The following SORBS2 variants were observed in gnomAD, a reference collection of about 807,000 sequenced individuals.
The protein encoded by SORBS2 is sorbin and SH3 domain containing 2, also known as sorbin and SH3 domain-containing protein 2.
A neutral mutation model predicts 97.7 loss-of-function variants in SORBS2; 46 were observed. That is an observed-to-expected ratio of 0.47 (90% confidence interval 0.37 to 0.60). The LOEUF (loss-of-function observed/expected upper bound fraction) is 0.60, where lower values mean the gene tolerates loss of function less well. Among genes scored for constraint, SORBS2 ranks in the 20% least tolerant of loss-of-function variants. SORBS2 has a pLI of 0.00. For synonymous variants in SORBS2, 476 were observed against 473.4 expected, an observed-to-expected ratio of 1.01 and a Z score of -0.07; for missense variants, 1,316 against 1,282.3, an observed-to-expected ratio of 1.03 and a Z score of -0.40.
intron 1 of SORBS2, among the ~76,000 whole-genome samples, chr4:185,926,515 T>C (rs577273551): frequency 6.6e-6 from 1 of 151,260 alleles, no homozygotes; most frequent in South Asian, 2.1e-4. Flanking sequence ...AAGCGTTTCG[T>C]TTTGGACGTG....
chr4:185,868,147 C>CTTTTTTCTTTTTTTTTT (rs1554043746), intron 1 of SORBS2, among the ~76,000 whole-genome samples: 6 of 89,766 alleles, frequency 6.7e-5, no homozygotes, highest in Non-Finnish European at 1.3e-4. Flanking sequence ...CTTTTCTTTT[C>CTTTTTTCTTTTTTTTTT]TTTTTTTCTT....
chr4:185,907,835 A>T (rs1273427918), intron 1 of SORBS2, among the ~76,000 whole-genome samples: 4 of 152,160 alleles, frequency 2.6e-5, no homozygotes, highest in Non-Finnish European at 5.9e-5. Context: ...CTCCTTGTAC[A>T]AATGTGCCTT....
At chr4:185,856,364 G>T (rs760794524) in intron 1 of SORBS2, among the ~76,000 whole-genome samples, 7 of 152,056 alleles carry the variant, frequency 4.6e-5, no homozygotes, top group Non-Finnish European at 1.0e-4. Context: ...CAAAATTATA[G>T]CAAATAATAA....
intron 1 of SORBS2, among the ~76,000 whole-genome samples, chr4:185,804,048 T>C (rs1474515556): frequency 6.6e-6 from 1 of 152,220 alleles, no homozygotes. Context: ...GGTTGCGTCA[T>C]GTTTCCTCCG....
intron 4 of SORBS2, 86 bp downstream of exon 16, chr4:185,635,269 A>G: frequency 3.1e-6 from 3 of 976,286 alleles, no homozygotes; most frequent in Non-Finnish European, 4.8e-6. Flanking sequence ...TAGACATTAC[A>G]GAGAATTGTA....
chr4:185,851,238 T>G (rs1265603501), intron 1 of SORBS2, among the ~76,000 whole-genome samples: 1 of 152,196 alleles, frequency 6.6e-6, no homozygotes, highest in South Asian at 2.1e-4. Context: ...ACATGGCTAT[T>G]GTTAAACTCG....
At chr4:185,682,303 T>C (rs1040237663) in intron 2 of SORBS2, among the ~76,000 whole-genome samples, 1 of 152,222 alleles carries the variant, frequency 6.6e-6, no homozygotes, top group African/African-American at 2.4e-5. Flanking sequence ...GGCATTCCTT[T>C]AGGCTGACAA....
chr4:185,589,432 G>T (rs578168391), intron 14 of SORBS2, among the ~76,000 whole-genome samples: 16 of 152,238 alleles, frequency 1.1e-4, no homozygotes, highest in African/African-American at 3.8e-4. Flanking sequence ...GCTATTTAAA[G>T]AAATTGTCTT....
chr4:185,638,144 C>T, intron 4 of SORBS2: 1 of 1,609,456 alleles, frequency 6.2e-7, no homozygotes. Flanking sequence ...TCTATGTCAT[C>T]TGGATTTATG....
chr4:185,848,827 C>T (rs1343662280), intron 1 of SORBS2, among the ~76,000 whole-genome samples: 1 of 151,796 alleles, frequency 6.6e-6, no homozygotes, highest in East Asian at 1.9e-4. Flanking sequence ...GTTAAGTCTG[C>T]TGGGTTCAGT....
intron 2 of SORBS2, among the ~76,000 whole-genome samples, chr4:185,679,729 G>A (rs1036244281): frequency 6.6e-6 from 1 of 152,128 alleles, no homozygotes; most frequent in African/African-American, 2.4e-5. Context: ...TTCCTTCTAC[G>A]TGTTCCCCAG....
chr4:185,717,190 C>T (rs1166524188), intron 2 of SORBS2, among the ~76,000 whole-genome samples: 3 of 152,226 alleles, frequency 2.0e-5, no homozygotes, highest in African/African-American at 7.2e-5. Flanking sequence ...CACCCAGCCA[C>T]AGCAGTGATT....
intron 1 of SORBS2, among the ~76,000 whole-genome samples, chr4:185,781,651 AG>A (rs1560992496): frequency 1.8e-4 from 26 of 146,068 alleles, no homozygotes; most frequent in African/African-American, 5.9e-4. Flanking sequence ...CGGCCTCTCC[AG>A]CGTCCCTTCC....
chr4:185,938,671 T>G (rs1451306943), intron 1 of SORBS2, among the ~76,000 whole-genome samples: 1 of 151,838 alleles, frequency 6.6e-6, no homozygotes, highest in African/African-American at 2.4e-5. Context: ...ACGTTCCACC[T>G]CCCCGAGAAC....
intron 1 of SORBS2, among the ~76,000 whole-genome samples, chr4:185,819,171 C>T (rs2099195178): frequency 6.6e-6 from 1 of 152,208 alleles, no homozygotes; most frequent in South Asian, 2.1e-4. Context: ...CTATATTTTT[C>T]TCTCACTTGA....
At chr4:185,880,721 TCCTGC>T (rs1208292104) in intron 1 of SORBS2, among the ~76,000 whole-genome samples, 4 of 152,222 alleles carry the variant, frequency 2.6e-5, no homozygotes, top group African/African-American at 9.7e-5. Context: ...GCCTTTCCTC[TCCTGC>T]CAGGCTTTCA....
chr4:185,603,920 A>G (rs2096341014), intron 12 of SORBS2, among the ~76,000 whole-genome samples: 1 of 152,180 alleles, frequency 6.6e-6, no homozygotes, highest in African/African-American at 2.4e-5. Flanking sequence ...TTGTGGAAGA[A>G]CAAGGCTCAA....
intron 2 of SORBS2, among the ~76,000 whole-genome samples, chr4:185,683,873 G>A (rs2153507840): frequency 6.6e-6 from 1 of 152,280 alleles, no homozygotes; most frequent in Non-Finnish European, 1.5e-5. Context: ...AGATGTATGT[G>A]TGTAGAAGAC....
Position 185,623,192 on chromosome 4 carries a change from A to G in SORBS2, c.1937T>C (p.Ile646Thr). ...GCTCCCCCTTTTCTTTTCAGCTTTA[A>G]TTTGGTCACAGATGTCTTTAAGGGC... The change falls in exon 7 of 15, where the codon ATT becomes ACT. Residue 646 changes from isoleucine (I) to threonine (T), a missense_variant. Ile to Thr is a moderately conservative substitution (Grantham distance 89, BLOSUM62 -1). Transcript: ENST00000418609. The surrounding 1 kb of genome is among the most constrained non-coding windows in gnomAD (Gnocchi z 6.4). 1 of 1,613,966 alleles carries G rather than the reference A, an allele frequency of 6.2e-7. No individual in the cohort carries two copies. Among genetic ancestry groups the G allele is most frequent in the East Asian group, 2.2e-5 (1 of 44,888 alleles).
Sources: gnomAD v4.1 joint callset for allele counts (sites outside exome capture counted in the v4.1 genomes callset) on GRCh38, gnomAD v4.1.1 for gene constraint, Gnocchi (gnomAD v3.1) non-coding constraint, MANE v1.5 for transcripts, NCBI Gene and HGNC (gene_info 2026-07-23, HGNC 2026-07-21) for gene names.